Variants in ODF2L observed in about 807,000 individuals in gnomAD.
ODF2L encodes outer dense fiber of sperm tails 2 like.
In ODF2L, 76 loss-of-function variants were observed where a neutral mutation model predicts 86.3. The ratio of observed to expected loss-of-function variants is 0.88; its 90% CI spans 0.73 to 1.07. The LOEUF is 1.07. ODF2L is among the 50% of genes least tolerant of loss of function. The probability of loss-of-function intolerance (pLI) is 0.00; values close to 1 mark genes in which losing one functional copy is unlikely to be tolerated. For synonymous variants in ODF2L, 241 were observed against 231.3 expected, an observed-to-expected ratio of 1.04 and a Z score of -0.38; for missense variants, 748 against 717.4, an observed-to-expected ratio of 1.04 and a Z score of -0.49.
At chr1:86,381,772 A>C (rs1412996745) in intron 7 of ODF2L, among the ~76,000 whole-genome samples, 1 of 152,114 alleles carries the variant, frequency 6.6e-6, no homozygotes, top group African/African-American at 2.4e-5. Context: ...TTTTGTGAAC[A>C]TCAAAGTTGG....
chr1:86,387,201 TAAG>T (rs1661017209), intron 1 of ODF2L, 115 bp from the exon 2 acceptor site: 1 of 455,170 alleles, frequency 2.2e-6, no homozygotes, highest in Non-Finnish European at 3.8e-6. Context: ...AAAGACAAAA[TAAG>T]AAGTATAACT....
chr1:86,360,583 A>T, intron 11 of ODF2L, 47 bp from the exon 11 acceptor site: 1 of 763,410 alleles, frequency 1.3e-6, no homozygotes, highest in Non-Finnish European at 2.2e-6. Flanking sequence ...ATACATTTAT[A>T]CTCCAGTGCT....
intron 1 of ODF2L, among the ~76,000 whole-genome samples, chr1:86,393,601 G>C (rs546766565): frequency 2.0e-5 from 3 of 152,214 alleles, no homozygotes; most frequent in Non-Finnish European, 4.4e-5. Context: ...TTGACAGCAA[G>C]AGTGACTGTT....
At chr1:86,359,985 G>A (rs1658916874) in intron 12 of ODF2L, among the ~76,000 whole-genome samples, 1 of 151,992 alleles carries the variant, frequency 6.6e-6, no homozygotes, top group Non-Finnish European at 1.5e-5. Context: ...CATATATATT[G>A]TCATATGTTC....
At chr1:86,385,572 T>C in exon 3 of ODF2L, 1 of 1,611,866 alleles carries the variant, frequency 6.2e-7, no homozygotes, top group Non-Finnish European at 8.5e-7. Flanking sequence ...TCTTTTCATT[T>C]AGAATGTCCT....
chr1:86,354,906 C>T (rs758173050), intron 14 of ODF2L, 47 bp from the exon 14 acceptor site: 13 of 1,025,590 alleles, frequency 1.3e-5, no homozygotes, highest in Non-Finnish European at 1.9e-5. Context: ...TCACAATCAA[C>T]TTCCAAAGAA....
At chr1:86,360,757 A>C (rs1658975330) in intron 11 of ODF2L, 1 of 286,214 alleles carries the variant, frequency 3.5e-6, no homozygotes. Flanking sequence ...TATTTTTAAA[A>C]CTTTCTAAAT....
At chr1:86,376,505 G>A in intron 7 of ODF2L, 87 bp from the exon 8 acceptor site, 1 of 785,864 alleles carries the variant, frequency 1.3e-6, no homozygotes, top group Non-Finnish European at 2.0e-6. Context: ...AACTGATATG[G>A]TTTGTGTATT....
At chr1:86,388,590 C>A (rs932830824) in intron 1 of ODF2L, among the ~76,000 whole-genome samples, 3 of 151,746 alleles carry the variant, frequency 2.0e-5, no homozygotes, top group African/African-American at 7.3e-5. Flanking sequence ...TTTAAATTCA[C>A]CCCTTGATTT....
At chr1:86,370,550 GAACTC>G (rs1482384737) in intron 10 of ODF2L, among the ~76,000 whole-genome samples, 4 of 152,184 alleles carry the variant, frequency 2.6e-5, no homozygotes, top group Admixed American at 2.0e-4. Context: ...GGTTGACTGA[GAACTC>G]AAATATCTTT....
At chr1:86,375,697 TA>T (rs960334332) in intron 8 of ODF2L, among the ~76,000 whole-genome samples, 2 of 152,210 alleles carry the variant, frequency 1.3e-5, no homozygotes, top group Non-Finnish European at 2.9e-5. Context: ...GAGATTAAAT[TA>T]GGTTAATTAC....
At position 86,353,004 on chromosome 1, in the gene ODF2L, A is replaced by T. The variant is rs1458111694; in HGVS notation, c.1768-20T>A. The T allele has an allele frequency of 1.4e-6, 2 of 1,423,084 alleles. No homozygotes were observed. The highest frequency in any genetic ancestry group is 1.9e-6 in the Non-Finnish European group (2 of 1,027,726). 88.2% of individuals were successfully genotyped at this position (1,423,084 alleles called of 1,614,324 possible). On this transcript the variant is annotated intron_variant, in intron 16 of 17. Transcript: ENST00000317336. ...AGCAACCTGTAATTTTTATCAAAAGAGTAAAATAAAGTGCTTTCTTTAAAA... is the reference window on the plus strand; with the variant it reads ...AGCAACCTGTAATTTTTATCAAAAGTGTAAAATAAAGTGCTTTCTTTAAAA...
chr1:86,391,838 G>A (rs1321505590), intron 1 of ODF2L, among the ~76,000 whole-genome samples: 4 of 152,086 alleles, frequency 2.6e-5, no homozygotes, highest in Admixed American at 1.3e-4. Context: ...TAAAAATAAA[G>A]ATAAATAGCT....
chr1:86,387,073 A>C, exon 2 of ODF2L: 3 of 851,240 alleles, frequency 3.5e-6, no homozygotes, highest in Non-Finnish European at 5.5e-6. Flanking sequence ...CGACTTCTCC[A>C]CATAAGCTGA....
At chr1:86,392,507 C>T (rs935278326) in intron 1 of ODF2L, among the ~76,000 whole-genome samples, 4 of 152,110 alleles carry the variant, frequency 2.6e-5, no homozygotes, top group Admixed American at 6.5e-5. Flanking sequence ...TAACGGCATT[C>T]ACAGCAACAT....
At chr1:86,369,661 T>C (rs1014629498) in intron 10 of ODF2L, among the ~76,000 whole-genome samples, 5 of 152,180 alleles carry the variant, frequency 3.3e-5, no homozygotes, top group Non-Finnish European at 5.9e-5. Context: ...TTCTGTAATA[T>C]ATAATACACA....
chr1:86,373,488 T>C (rs1271317110), intron 8 of ODF2L, among the ~76,000 whole-genome samples: 1 of 148,976 alleles, frequency 6.7e-6, no homozygotes, highest in African/African-American at 2.4e-5. Context: ...TACATATGTA[T>C]ATACTATATA....
At chr1:86,382,071 C>A in intron 7 of ODF2L, 171 bp downstream of exon 7, 1 of 899,944 alleles carries the variant, frequency 1.1e-6, no homozygotes, top group Non-Finnish European at 1.5e-6. Context: ...GAAATTTGTA[C>A]CCAAACCTTT....
chr1:86,393,482 T>C (rs1661475222), intron 1 of ODF2L, among the ~76,000 whole-genome samples: 2 of 152,066 alleles, frequency 1.3e-5, no homozygotes, highest in Non-Finnish European at 2.9e-5. Context: ...CGTTTTCTGA[T>C]ACAGAGAGAT....
Sources: gnomAD v4.1 joint callset for allele counts (sites outside exome capture counted in the v4.1 genomes callset) on GRCh38, gnomAD v4.1.1 for gene constraint, MANE v1.5 for transcripts, NCBI Gene and HGNC (gene_info 2026-07-23, HGNC 2026-07-21) for gene names.